The following GABRR1 variants were observed in gnomAD, a reference collection of about 807,000 sequenced individuals.
The protein encoded by GABRR1 is gamma-aminobutyric acid type A receptor subunit rho1, also known as gamma-aminobutyric acid receptor subunit rho-1.
A neutral mutation model predicts 55.5 loss-of-function variants in GABRR1; 59 were observed. The observed-to-expected ratio is 1.06, with a 90% CI of 0.86 to 1.32. GABRR1 has a LOEUF of 1.32. GABRR1 is among the 40% of genes most tolerant of loss of function. The pLI is 0.00. For missense variants in GABRR1, 602 were observed against 619.1 expected, an observed-to-expected ratio of 0.97 and a Z score of 0.29; for synonymous variants, 213 against 226.0, an observed-to-expected ratio of 0.94 and a Z score of 0.51.
chr6:89,183,146 G>GAAAA (rs66539825), intron 7 of GABRR1, among the ~76,000 whole-genome samples: 13 of 128,558 alleles, frequency 1.0e-4, no homozygotes, highest in Non-Finnish European at 1.5e-4. Flanking sequence ...GAGGATGATG[G>GAAAA]AAAAAAAAAA....
intron 1 of GABRR1, among the ~76,000 whole-genome samples, chr6:89,206,651 G>C (rs1772656499): frequency 6.7e-6 from 1 of 149,556 alleles, no homozygotes; most frequent in Non-Finnish European, 1.5e-5. Context: ...ATCTCTCTCT[G>C]TTGCCCAAGG....
chr6:89,195,107 C>T (rs992482687), intron 5 of GABRR1, among the ~76,000 whole-genome samples: 2 of 152,136 alleles, frequency 1.3e-5, no homozygotes, highest in African/African-American at 4.8e-5. Context: ...TCTGAAAGGT[C>T]AAGAACAAAG....
At chr6:89,187,178 C>T (rs374668363) in intron 6 of GABRR1, among the ~76,000 whole-genome samples, 1 of 151,882 alleles carries the variant, frequency 6.6e-6, no homozygotes, top group East Asian at 1.9e-4. Context: ...CTGCCTCAGC[C>T]TGGCTCTTTC....
At chr6:89,212,566 G>C (rs1772862545) in intron 1 of GABRR1, among the ~76,000 whole-genome samples, 1 of 152,212 alleles carries the variant, frequency 6.6e-6, no homozygotes, top group Admixed American at 6.5e-5. Context: ...CACAGCCTGA[G>C]CTGGCATGGT....
At chr6:89,205,157 A>T (rs1772603576) in intron 1 of GABRR1, among the ~76,000 whole-genome samples, 1 of 152,188 alleles carries the variant, frequency 6.6e-6, no homozygotes, top group South Asian at 2.1e-4. Flanking sequence ...CCCATTTTAT[A>T]TGTAGGAAAC....
At chr6:89,222,855 G>A (rs927781359) in intron 1 of GABRR1, among the ~76,000 whole-genome samples, 2 of 152,158 alleles carry the variant, frequency 1.3e-5, no homozygotes, top group Non-Finnish European at 2.9e-5. Flanking sequence ...AAGTTTTGTG[G>A]TCTGAACACA....
intron 1 of GABRR1, among the ~76,000 whole-genome samples, chr6:89,206,502 T>C (rs1582399596): frequency 6.6e-6 from 1 of 152,202 alleles, no homozygotes; most frequent in East Asian, 1.9e-4. Flanking sequence ...GAAAGCATTC[T>C]TGAGCTTCTC....
Position 89,178,671 on chromosome 6 carries a change from G to T in GABRR1, c.*99C>A. 9.3e-7 allele frequency: 1 copy of T among 1,070,996 alleles called. No homozygotes were observed. The allele number at this position is 1,070,996 out of a possible 1,614,324, so 66.3% of individuals were successfully genotyped here. ...GATAGTGAAAACATGGGTGGGTCCT[G>T]GGATTTTTTTTTAACCATATCCTTA... On this transcript the variant is annotated 3_prime_UTR_variant, in exon 10 of 10. Coordinates refer to ENST00000454853, the MANE Select transcript of GABRR1 (RefSeq NM_002042.5).
At chr6:89,192,566 T>TC (rs1216190845) in intron 5 of GABRR1, among the ~76,000 whole-genome samples, 1 of 104,260 alleles carries the variant, frequency 9.6e-6, no homozygotes, top group African/African-American at 2.9e-5. Context: ...TTCTTCTTCT[T>TC]TTTTTTTTTT....
intron 9 of GABRR1, 62 bp from the exon 10 acceptor site, chr6:89,179,125 A>G (rs1771637864): frequency 3.6e-5 from 55 of 1,517,402 alleles, no homozygotes; most frequent in Non-Finnish European, 4.9e-5. Context: ...AGCCCTTCAA[A>G]AGGAACTGCA....
chr6:89,214,124 C>T (rs1218771774), intron 1 of GABRR1, among the ~76,000 whole-genome samples: 2 of 151,786 alleles, frequency 1.3e-5, no homozygotes, highest in African/African-American at 4.8e-5. Context: ...GCAAGGACTT[C>T]TGGTACTATG....
intron 6 of GABRR1, among the ~76,000 whole-genome samples, chr6:89,185,919 C>T (rs79135025): frequency 1.3e-5 from 2 of 152,250 alleles, no homozygotes; most frequent in South Asian, 2.1e-4. Context: ...TGAATTTTAG[C>T]AAGAAAAGAT....
intron 8 of GABRR1, 129 bp downstream of exon 8, chr6:89,181,776 T>C: frequency 1.1e-6 from 1 of 919,762 alleles, no homozygotes; most frequent in Non-Finnish European, 1.6e-6. Flanking sequence ...TAAATAACTC[T>C]TGAGTTTTTC....
intron 4 of GABRR1, 107 bp from the exon 5 acceptor site, chr6:89,198,350 A>C: frequency 1.2e-6 from 1 of 833,448 alleles, no homozygotes; most frequent in Non-Finnish European, 2.0e-6. Context: ...ATGAAACCGA[A>C]CCAAGAGAGG....
At chr6:89,229,438 G>A (rs1344361485) in intron 1 of GABRR1, among the ~76,000 whole-genome samples, 1 of 148,948 alleles carries the variant, frequency 6.7e-6, no homozygotes, top group African/African-American at 2.5e-5. Flanking sequence ...TCCTTCAGGA[G>A]CTCTTTTAGG....
intron 1 of GABRR1, among the ~76,000 whole-genome samples, chr6:89,225,259 GCTT>G (rs1373472607): frequency 1.6e-5 from 2 of 122,684 alleles, no homozygotes; most frequent in African/African-American, 5.5e-5. Flanking sequence ...GTTTCTGTTT[GCTT>G]TTTTTTTTTT....
intron 5 of GABRR1, among the ~76,000 whole-genome samples, chr6:89,192,060 T>G (rs867940050): frequency 6.1e-5 from 9 of 148,726 alleles, no homozygotes; most frequent in South Asian, 2.1e-4. Flanking sequence ...AAAAGAAAAA[T>G]AAAGTTGGCA....
At chr6:89,191,804 A>G (rs1348889792) in intron 5 of GABRR1, among the ~76,000 whole-genome samples, 2 of 152,200 alleles carry the variant, frequency 1.3e-5, no homozygotes, top group Non-Finnish European at 2.9e-5. Context: ...TCAGAAATTA[A>G]GAGTTTTGGT....
At chr6:89,199,824 T>C (rs536289667) in intron 3 of GABRR1, among the ~76,000 whole-genome samples, 22 of 152,340 alleles carry the variant, frequency 1.4e-4, no homozygotes, top group African/African-American at 5.1e-4. Flanking sequence ...AGAAAGGCGT[T>C]GTTTGGTAAT....
Sources: allele counts gnomAD v4.1 joint callset (sites outside exome capture counted in the v4.1 genomes callset), GRCh38; gene constraint gnomAD v4.1.1; transcripts MANE v1.5; gene names NCBI Gene and HGNC (gene_info 2026-07-23, HGNC 2026-07-21).